The following TRAPPC9 variants were observed in gnomAD, a reference collection of about 807,000 sequenced individuals.
The protein encoded by TRAPPC9 is IKK2 binding protein.
A neutral mutation model predicts 124.0 loss-of-function variants in TRAPPC9; 83 were observed. That is an observed-to-expected ratio of 0.67 (90% CI 0.56 to 0.80). The LOEUF is 0.80. TRAPPC9 is among the 30% of genes least tolerant of loss of function. TRAPPC9 has a pLI of 0.00. For synonymous variants in TRAPPC9, 638 were observed against 617.5 expected (o/e 1.03, Z -0.49); for missense variants, 1,302 against 1,508.3 (o/e 0.86, Z 2.27).
chr8:140,351,218 C>T (rs1178116167), intron 9 of TRAPPC9, among the ~76,000 whole-genome samples: 1 of 151,526 alleles, frequency 6.6e-6, no homozygotes, highest in Non-Finnish European at 1.5e-5. Flanking sequence ...GCCATTCTCC[C>T]CGCACCCCTC....
chr8:140,092,585 C>T (rs560040984), intron 17 of TRAPPC9, among the ~76,000 whole-genome samples: 17 of 152,274 alleles, frequency 1.1e-4, no homozygotes, highest in South Asian at 6.2e-4. Context: ...TCCAAGGGCA[C>T]ACAGCTAATG....
At chr8:139,866,435 GA>G (rs1828542446) in intron 21 of TRAPPC9, among the ~76,000 whole-genome samples, 1 of 152,206 alleles carries the variant, frequency 6.6e-6, no homozygotes, top group Admixed American at 6.5e-5. Flanking sequence ...ACACAGTGGG[GA>G]GGCCTGGCCT....
chr8:140,027,061 A>G (rs1309266588), intron 17 of TRAPPC9, among the ~76,000 whole-genome samples: 3 of 152,156 alleles, frequency 2.0e-5, no homozygotes, highest in African/African-American at 7.2e-5. Context: ...CACACACTCA[A>G]TAAGTCTTTC....
chr8:139,880,718 G>C (rs1290694563), intron 21 of TRAPPC9, among the ~76,000 whole-genome samples: 1 of 152,208 alleles, frequency 6.6e-6, no homozygotes, highest in Non-Finnish European at 1.5e-5. Flanking sequence ...AACTTGTCTA[G>C]TCAGAAAATC....
At chr8:140,181,991 C>G (rs991275009) in intron 17 of TRAPPC9, among the ~76,000 whole-genome samples, 72 of 152,140 alleles carry the variant, frequency 4.7e-4, no homozygotes, top group African/African-American at 1.7e-3. Flanking sequence ...TCTCCCCAGT[C>G]TGGGGACCAG....
At chr8:139,937,477 G>A (rs1394437368) in intron 19 of TRAPPC9, among the ~76,000 whole-genome samples, 1 of 152,190 alleles carries the variant, frequency 6.6e-6, no homozygotes, top group African/African-American at 2.4e-5. Context: ...AGGAGCCCAA[G>A]GCGCTGCGGG....
chr8:140,448,326 G>T (rs1191265671), intron 2 of TRAPPC9, among the ~76,000 whole-genome samples: 1 of 152,176 alleles, frequency 6.6e-6, no homozygotes, highest in Non-Finnish European at 1.5e-5. Context: ...GCAGCTTTAT[G>T]TGCCACTGTA....
chr8:140,443,975 G>A (rs1453161500), intron 2 of TRAPPC9, among the ~76,000 whole-genome samples: 1 of 141,220 alleles, frequency 7.1e-6, no homozygotes, highest in African/African-American at 2.7e-5. Flanking sequence ...GGCGGAGCTT[G>A]CAGTGAGCCA....
At position 139,729,101 on chromosome 8, in the gene TRAPPC9, C is replaced by T. The variant is rs1014293332; in HGVS notation, c.*1960G>A. 1.3e-5 allele frequency among the ~76,000 whole-genome samples: 2 copies of T among 152,194 alleles called. No individual in the cohort carries two copies. The highest frequency in any genetic ancestry group is 1.9e-4 in the East Asian group (1 of 5,188). Reference sequence around the variant, plus strand: ...AAAGGAAAGTACGTACTCAAGTCCCCGGTGACCAGCACCCTCATGCTGACA... The same window carrying T: ...AAAGGAAAGTACGTACTCAAGTCCCTGGTGACCAGCACCCTCATGCTGACA... On this transcript the variant is annotated 3_prime_UTR_variant, in exon 23 of 23. Transcript: ENST00000438773.
At chr8:140,210,340 C>CCGTCAATGCAGAGGAAACTCCAGGCG (rs2063028829) in intron 17 of TRAPPC9, among the ~76,000 whole-genome samples, 1 of 152,234 alleles carries the variant, frequency 6.6e-6, no homozygotes, top group South Asian at 2.1e-4. Context: ...TGAACGCGCA[C>CCGTCAATGCAGAGGAAACTCCAGGCG]CGTCAATGCA....
intron 2 of TRAPPC9, among the ~76,000 whole-genome samples, chr8:140,447,279 T>C (rs2071299017): frequency 6.6e-6 from 1 of 152,072 alleles, no homozygotes; most frequent in Non-Finnish European, 1.5e-5. Flanking sequence ...AAAAAAAAGC[T>C]AAAATTAAAA....
At chr8:140,285,286 G>A (rs998459193) in intron 13 of TRAPPC9, among the ~76,000 whole-genome samples, 6 of 152,098 alleles carry the variant, frequency 3.9e-5, no homozygotes, top group Non-Finnish European at 7.3e-5. Context: ...TTCACTCCTC[G>A]TTACTCCTCT....
intron 19 of TRAPPC9, among the ~76,000 whole-genome samples, chr8:139,982,508 G>A (rs1563663679): frequency 6.6e-6 from 1 of 152,182 alleles, no homozygotes; most frequent in Non-Finnish European, 1.5e-5. Flanking sequence ...CCAGCTGCTC[G>A]ACTGGAAACA....
intron 21 of TRAPPC9, among the ~76,000 whole-genome samples, chr8:139,883,724 G>C (rs773120944): frequency 9.2e-5 from 14 of 152,214 alleles, no homozygotes; most frequent in Non-Finnish European, 2.1e-4. Context: ...AATTGCCCAG[G>C]CTTCTTCCAG....
intron 19 of TRAPPC9, among the ~76,000 whole-genome samples, chr8:139,929,924 A>C (rs1833036849): frequency 6.6e-6 from 1 of 152,196 alleles, no homozygotes; most frequent in Non-Finnish European, 1.5e-5. Flanking sequence ...ATGTCCTGTA[A>C]AATGGAGCAA....
intron 17 of TRAPPC9, among the ~76,000 whole-genome samples, chr8:140,041,601 A>C (rs926784339): frequency 3.3e-5 from 5 of 152,212 alleles, no homozygotes; most frequent in Non-Finnish European, 7.3e-5. Flanking sequence ...GGGGATGGGG[A>C]GAACGCTCGT....
intron 7 of TRAPPC9, among the ~76,000 whole-genome samples, chr8:140,386,369 T>C (rs571223015): frequency 2.0e-5 from 3 of 152,296 alleles, no homozygotes; most frequent in East Asian, 1.9e-4. Flanking sequence ...AAAGAGGAAG[T>C]CAAATTGTCC....
At chr8:140,220,923 C>T (rs940619930) in intron 17 of TRAPPC9, among the ~76,000 whole-genome samples, 1 of 152,190 alleles carries the variant, frequency 6.6e-6, no homozygotes, top group African/African-American at 2.4e-5. Flanking sequence ...TTCCCATGTG[C>T]TGAAGACTCA....
intron 19 of TRAPPC9, among the ~76,000 whole-genome samples, chr8:139,920,294 C>T (rs1034946698): frequency 8.5e-5 from 13 of 152,254 alleles, no homozygotes; most frequent in African/African-American, 2.9e-4. Context: ...TGCAGTGAGC[C>T]GAGATCGTGC....
Sources: gnomAD v4.1 joint callset for allele counts (sites outside exome capture counted in the v4.1 genomes callset) on GRCh38, gnomAD v4.1.1 for gene constraint, MANE v1.5 for transcripts, NCBI Gene and HGNC (gene_info 2026-07-23, HGNC 2026-07-21) for gene names.